The following METTL15 variants were observed in gnomAD, a reference collection of about 807,000 sequenced individuals.
METTL15 encodes the protein 12S rRNA N(4)-cytidine methyltransferase METTL15.
In METTL15, 34 loss-of-function variants were observed where a neutral mutation model predicts 38.3. That is an observed-to-expected ratio of 0.89 (90% CI 0.68 to 1.18). METTL15 has a LOEUF of 1.18. Among genes scored for constraint, METTL15 ranks in the 50% most tolerant of loss-of-function variants. METTL15 has a pLI of 0.00. For missense variants in METTL15, 438 were observed against 498.4 expected, an observed-to-expected ratio of 0.88 and a Z score of 1.15; for synonymous variants, 162 against 170.9, an observed-to-expected ratio of 0.95 and a Z score of 0.41.
At chr11:28,120,797 C>T (rs1852197382) in intron 3 of METTL15, among the ~76,000 whole-genome samples, 1 of 152,106 alleles carries the variant, frequency 6.6e-6, no homozygotes, top group Non-Finnish European at 1.5e-5. Context: ...TCAACTTATC[C>T]TTCTTAAAGT....
Position 28,517,166 on chromosome 11 carries a change from G to A in METTL15, c.*425-9312G>A, listed in dbSNP as rs1851726381. On this transcript the variant is annotated intron_variant and NMD_transcript_variant, in intron 6 of 7. Transcript: ENST00000532947. Reference sequence around the variant, plus strand: ...TGTAAGGAGAAGCATGAAAAATGCTGCATATGCCATGAAACAAAGAAGCCA... The same window carrying A: ...TGTAAGGAGAAGCATGAAAAATGCTACATATGCCATGAAACAAAGAAGCCA... 4 of 152,240 alleles carry A rather than the reference G, an allele frequency of 2.6e-5. No individual in the cohort carries two copies. In the South Asian group the frequency reaches 8.3e-4, roughly 32 times the overall value. 9.4% of individuals were successfully genotyped at this position (152,240 alleles called of 1,614,324 possible).
chr11:28,494,969 T>C (rs897375741), intron 6 of METTL15, among the ~76,000 whole-genome samples: 1 of 152,186 alleles, frequency 6.6e-6, no homozygotes, highest in African/African-American at 2.4e-5. Context: ...GGTTTTGTGA[T>C]AACTAAATGA....
At chr11:28,519,752 T>C (rs1219710615) in intron 6 of METTL15, among the ~76,000 whole-genome samples, 1 of 151,962 alleles carries the variant, frequency 6.6e-6, no homozygotes, top group Non-Finnish European at 1.5e-5. Context: ...TAATATTCTA[T>C]TTTGCAGAAA....
At chr11:28,395,941 C>T (rs1345446833) in intron 5 of METTL15, among the ~76,000 whole-genome samples, 2 of 152,118 alleles carry the variant, frequency 1.3e-5, no homozygotes, top group Non-Finnish European at 2.9e-5. Flanking sequence ...GCTGGTTCAA[C>T]ATACACAAAT....
At chr11:28,203,506 A>G (rs2046372) in intron 3 of METTL15, among the ~76,000 whole-genome samples, 9 of 151,934 alleles carry the variant, frequency 5.9e-5, no homozygotes, top group South Asian at 2.1e-4. Context: ...TGAAGAAACA[A>G]TTGTTTTTAT....
At chr11:28,132,384 ATAATTT>A (rs1849367376) in intron 3 of METTL15, among the ~76,000 whole-genome samples, 1 of 152,086 alleles carries the variant, frequency 6.6e-6, no homozygotes, top group Non-Finnish European at 1.5e-5. Context: ...TAAAATATAT[ATAATTT>A]TATGTGAGAA....
At chr11:28,513,823 C>A (rs1436532886) in intron 6 of METTL15, among the ~76,000 whole-genome samples, 1 of 152,268 alleles carries the variant, frequency 6.6e-6, no homozygotes, top group Non-Finnish European at 1.5e-5. Flanking sequence ...GGTTTAAGAA[C>A]GCCTTTAAGC....
At chr11:28,138,265 A>G (rs981979321) in intron 3 of METTL15, among the ~76,000 whole-genome samples, 2 of 152,218 alleles carry the variant, frequency 1.3e-5, no homozygotes, top group Non-Finnish European at 2.9e-5. Flanking sequence ...GACTGAGAGA[A>G]AGTCCTTTTT....
At chr11:28,168,640 T>A (rs1043063687) in intron 3 of METTL15, among the ~76,000 whole-genome samples, 1 of 130,284 alleles carries the variant, frequency 7.7e-6, no homozygotes, top group Non-Finnish European at 1.6e-5. Flanking sequence ...CAACAAGCCC[T>A]GTGATGCTTT....
intron 3 of METTL15, among the ~76,000 whole-genome samples, chr11:28,119,389 A>G (rs558828490): frequency 6.6e-6 from 1 of 152,316 alleles, no homozygotes; most frequent in African/African-American, 2.4e-5. Flanking sequence ...TGAGGCACCA[A>G]TAAGAGGAAT....
rs545014594 is a variant in METTL15, at chr11:28,522,862, A to G, written c.*425-3616A>G. 5.9e-5 allele frequency among the ~76,000 whole-genome samples: 9 copies of G among 152,360 alleles called. No individual in the cohort carries two copies. The East Asian group carries it at 1.3e-3, about 23-fold the overall frequency. The stretch of plus-strand genomic sequence containing the variant: ...AAGAATAACTTGCTAGACTAGGTCT[A>G]TATCAAGGACCAAATCATCATTTGT... On this transcript the variant is annotated intron_variant and NMD_transcript_variant, in intron 6 of 7. Transcript: ENST00000532947.
intron 6 of METTL15, among the ~76,000 whole-genome samples, chr11:28,502,358 A>G (rs578256041): frequency 2.6e-5 from 4 of 152,308 alleles, no homozygotes; most frequent in African/African-American, 9.6e-5. Flanking sequence ...CAACTATTCA[A>G]TTCTACCCTT....
chr11:28,280,525 C>T (rs570942947), intron 4 of METTL15, among the ~76,000 whole-genome samples: 10 of 151,846 alleles, frequency 6.6e-5, no homozygotes, highest in Non-Finnish European at 1.2e-4. Context: ...TATTGTGTTT[C>T]TTTAATCTGT....
chr11:28,358,617 A>G (rs1850110014), intron 4 of METTL15, among the ~76,000 whole-genome samples: 1 of 152,102 alleles, frequency 6.6e-6, no homozygotes, highest in African/African-American at 2.4e-5. Context: ...CCTTAATACC[A>G]TTATGTAGTT....
In METTL15 at chr11:28,405,320, G is replaced by A. The variant is rs75933956; in HGVS notation, c.*359-18979G>A. On this transcript the variant is annotated intron_variant and NMD_transcript_variant, in intron 5 of 7. Coordinates refer to the METTL15 transcript ENST00000532947. The stretch of plus-strand genomic sequence containing the variant: ...TCAGTGTTTTTAAAGAGATAAATAA[G>A]GAATTCAAATTAAAAGCAAGATTTC... Among the ~76,000 whole-genome samples the A allele has an allele frequency of 1.2e-3, 186 of 152,204 alleles. 2 individuals are homozygous for A. The East Asian group carries it at 0.03, about 24-fold the overall frequency.
intron 6 of METTL15, among the ~76,000 whole-genome samples, chr11:28,308,682 G>A (rs966530009): frequency 6.6e-6 from 1 of 151,928 alleles, no homozygotes. Context: ...GTAATTTTTT[G>A]TTGACAGGGC....
chr11:28,365,561 CT>C (rs576953048), intron 5 of METTL15, among the ~76,000 whole-genome samples: 4 of 151,270 alleles, frequency 2.6e-5, no homozygotes, highest in Non-Finnish European at 5.9e-5. Flanking sequence ...AATCTTCTCT[CT>C]TTTTTTTTCT....
chr11:28,226,539 C>T (rs1370956453), intron 4 of METTL15, among the ~76,000 whole-genome samples: 1 of 151,834 alleles, frequency 6.6e-6, no homozygotes, highest in Admixed American at 6.6e-5. Flanking sequence ...TGAAGTTTAT[C>T]ATTTTCCTTC....
chr11:28,213,748 C>T (rs898713466), intron 4 of METTL15, among the ~76,000 whole-genome samples: 3 of 151,370 alleles, frequency 2.0e-5, no homozygotes, highest in Admixed American at 1.3e-4. Flanking sequence ...GTCCGCCTCC[C>T]GGGTTCACAC....
Sources: allele counts gnomAD v4.1 joint callset (sites outside exome capture counted in the v4.1 genomes callset), GRCh38; gene constraint gnomAD v4.1.1; transcripts MANE v1.5; gene names NCBI Gene and HGNC (gene_info 2026-07-23, HGNC 2026-07-21).